The following SNX24 variants were observed in gnomAD, a reference collection of about 807,000 sequenced individuals.
SNX24 encodes the protein sorting nexin 24, also known as sorting nexin-24.
In SNX24, 22 loss-of-function variants were observed where a neutral mutation model predicts 28.7. The observed-to-expected ratio is 0.77, with a 90% CI of 0.55 to 1.10. SNX24 has a LOEUF of 1.10. Ranked by LOEUF, SNX24 falls within the 50% of genes least tolerant of loss-of-function variation. SNX24 has a pLI of 0.00. For synonymous variants in SNX24, 69 were observed against 71.5 expected (o/e 0.96, Z 0.18); for missense variants, 221 against 201.1 (o/e 1.10, Z -0.60).
chr5:123,023,843 C>T (rs966611319), intron 5 of SNX24: 2 of 1,607,224 alleles, frequency 1.2e-6, no homozygotes, highest in Non-Finnish European at 1.7e-6. Context: ...CACACCCCTG[C>T]CAAAGCATAT....
rs1465582825 is a variant in SNX24, at chr5:123,009,071, C to T, written c.*1322C>T. 4 of 985,394 alleles carry T rather than the reference C, an allele frequency of 4.1e-6. No homozygotes were observed. In the East Asian group the frequency reaches 3.4e-4, roughly 84 times the overall value. 61.0% of individuals were successfully genotyped at this position (985,394 alleles called of 1,614,324 possible). A position where few individuals can be genotyped will look rare whatever the true frequency, so the allele number is the denominator to read the frequency against. Reference sequence around the variant, plus strand: ...TTAAAATATTATGATAGATTCTGTACTACATGTGGGAAACAAGCAAGAACT... The same window carrying T: ...TTAAAATATTATGATAGATTCTGTATTACATGTGGGAAACAAGCAAGAACT... On this transcript the variant is annotated 3_prime_UTR_variant, in exon 7 of 7. Coordinates refer to ENST00000261369, the MANE Select transcript of SNX24 (RefSeq NM_014035.4).
intron 3 of SNX24, among the ~76,000 whole-genome samples, chr5:122,973,607 C>T (rs762526807): frequency 1.4e-4 from 21 of 152,212 alleles, no homozygotes; most frequent in Non-Finnish European, 2.5e-4. Flanking sequence ...CCTTCAGGAC[C>T]TGCTCAAGCC....
intron 3 of SNX24, among the ~76,000 whole-genome samples, chr5:122,950,697 C>T (rs1759900734): frequency 1.3e-5 from 2 of 152,168 alleles, no homozygotes; most frequent in South Asian, 2.1e-4. Flanking sequence ...AACCTCACCA[C>T]GGCCAACCAT....
intron 6 of SNX24, among the ~76,000 whole-genome samples, chr5:123,003,743 G>A (rs899414186): frequency 1.3e-5 from 2 of 152,198 alleles, no homozygotes; most frequent in East Asian, 3.8e-4. Flanking sequence ...AGAAACATCA[G>A]GGGTAAATGT....
intron 2 of SNX24, among the ~76,000 whole-genome samples, chr5:122,937,410 G>A (rs551047181): frequency 1.1e-3 from 166 of 152,270 alleles, no homozygotes; most frequent in African/African-American, 3.3e-3. Context: ...AAACGAAACA[G>A]AAAGGCAAAA....
chr5:123,001,600 A>G (rs888367765), intron 5 of SNX24, among the ~76,000 whole-genome samples, 163 bp downstream of exon 5: 1 of 152,244 alleles, frequency 6.6e-6, no homozygotes, highest in African/African-American at 2.4e-5. Flanking sequence ...AACCAGTTAG[A>G]ATTAAGAGTG....
intron 6 of SNX24, 148 bp downstream of exon 6, chr5:123,002,152 C>G (rs1731989118): frequency 1.5e-6 from 1 of 661,686 alleles, no homozygotes; most frequent in Admixed American, 2.3e-5. Flanking sequence ...ATAAGCGACA[C>G]TTAGAATTTT....
At chr5:122,956,876 G>T (rs1760239453) in intron 3 of SNX24, among the ~76,000 whole-genome samples, 1 of 151,610 alleles carries the variant, frequency 6.6e-6, no homozygotes, top group South Asian at 2.1e-4. Flanking sequence ...TTGTTTAATT[G>T]GGTGGTTTTT....
chr5:122,845,796 C>T (rs1754595800), intron 1 of SNX24, 103 bp downstream of exon 1: 5 of 565,230 alleles, frequency 8.8e-6, no homozygotes, highest in African/African-American at 5.9e-5. Context: ...AGGGGGTCCC[C>T]TCGTTTTCTC....
At chr5:122,869,668 C>G (rs1241552340) in intron 1 of SNX24, among the ~76,000 whole-genome samples, 1 of 152,136 alleles carries the variant, frequency 6.6e-6, no homozygotes, top group Non-Finnish European at 1.5e-5. Flanking sequence ...AAATCTTGAT[C>G]TTTTTCATAA....
intron 2 of SNX24, among the ~76,000 whole-genome samples, chr5:122,937,180 C>T (rs1305950345): frequency 1.3e-5 from 2 of 152,168 alleles, no homozygotes; most frequent in Admixed American, 1.3e-4. Flanking sequence ...GATTATCTTA[C>T]AGGAAGTAAC....
chr5:122,853,653 T>TA, intron 1 of SNX24: 1 of 374,720 alleles, frequency 2.7e-6, no homozygotes, highest in South Asian at 2.0e-5. Context: ...TTATGTATTT[T>TA]AAAAAATTTT....
intron 5 of SNX24, among the ~76,000 whole-genome samples, chr5:123,020,123 T>TG (rs1762741911): frequency 1.3e-5 from 2 of 152,208 alleles, no homozygotes; most frequent in African/African-American, 4.8e-5. Flanking sequence ...TCCTTCTGCA[T>TG]GGGGGAGAGT....
At chr5:122,906,798 A>G (rs1757661683) in intron 1 of SNX24, among the ~76,000 whole-genome samples, 2 of 152,160 alleles carry the variant, frequency 1.3e-5, no homozygotes, top group Admixed American at 6.5e-5. Flanking sequence ...ATGAGCCACC[A>G]CACCTGGCCT....
chr5:122,926,405 C>T (rs1174750413), intron 1 of SNX24, among the ~76,000 whole-genome samples: 1 of 152,046 alleles, frequency 6.6e-6, no homozygotes, highest in Non-Finnish European at 1.5e-5. Context: ...GCAGGGAGAC[C>T]AGCAGGGAGG....
chr5:122,943,343 C>T (rs1242134738), intron 2 of SNX24, among the ~76,000 whole-genome samples: 1 of 152,106 alleles, frequency 6.6e-6, no homozygotes, highest in Non-Finnish European at 1.5e-5. Context: ...TAGTAGAACG[C>T]CTTAGAAGAG....
rs70988553 is a variant in SNX24, at chr5:123,014,333, A to ATTTTTTTTTTTTTTTTTTTTTTTT, written n.383+12335_383+12358dup. Among the ~76,000 whole-genome samples, 5 of 77,270 alleles carry ATTTTTTTTTTTTTTTTTTTTTTTT rather than the reference A, an allele frequency of 6.5e-5. 2 individuals carry two copies. The highest frequency in any genetic ancestry group is 4.7e-5 in the Non-Finnish European group (2 of 42,442). 50.7% of individuals were successfully genotyped at this position (77,270 alleles called of 152,430 possible). ...AGGCACACGCCACTGTGCCCAGCTG[A>ATTTTTTTTTTTTTTTTTTTTTTTT]TTTTTTTTTTTTTTTTTTTTTTTTT... On this transcript the variant is annotated intron_variant and non_coding_transcript_variant, in intron 5 of 5. Coordinates refer to the SNX24 transcript ENST00000502387.
At chr5:122,917,022 A>C (rs1308666568) in intron 1 of SNX24, among the ~76,000 whole-genome samples, 1 of 152,124 alleles carries the variant, frequency 6.6e-6, no homozygotes, top group Admixed American at 6.5e-5. Context: ...TAATCCCAAC[A>C]CTTTGAGAGG....
intron 3 of SNX24, among the ~76,000 whole-genome samples, chr5:122,988,885 C>A (rs1434078674): frequency 1.1e-4 from 16 of 151,896 alleles, no homozygotes; most frequent in Non-Finnish European, 2.4e-4. Flanking sequence ...AACCTAATTG[C>A]TTTTTTATTT....
Sources: gnomAD v4.1 joint callset for allele counts (sites outside exome capture counted in the v4.1 genomes callset) on GRCh38, gnomAD v4.1.1 for gene constraint, MANE v1.5 for transcripts, NCBI Gene and HGNC (gene_info 2026-07-23, HGNC 2026-07-21) for gene names.